The following ABHD6 variants were observed in gnomAD, a reference collection of about 807,000 sequenced individuals.
ABHD6 encodes the protein monoacylglycerol lipase ABHD6.
A neutral mutation model predicts 38.8 loss-of-function variants in ABHD6; 33 were observed. The observed-to-expected ratio is 0.85, with a 90% CI of 0.64 to 1.14. The LOEUF (loss-of-function observed/expected upper bound fraction) is 1.14, where lower values mean the gene tolerates loss of function less well. Ranked by LOEUF, ABHD6 falls within the 50% of genes most tolerant of loss-of-function variation. ABHD6 has a pLI of 0.00. For missense variants in ABHD6, 380 were observed against 422.6 expected (o/e 0.90, Z 0.88); for synonymous variants, 147 against 161.6 (o/e 0.91, Z 0.69).
intron 7 of ABHD6, among the ~76,000 whole-genome samples, chr3:58,278,530 G>A (rs148911584): frequency 0.026 from 4,012 of 152,094 alleles, 185 homozygotes; most frequent in African/African-American, 0.092. Flanking sequence ...TGTCAATTTT[G>A]TTGATCTTTT....
chr3:58,258,752 T>C (rs2097435040), intron 3 of ABHD6: 2 of 153,194 alleles, frequency 1.3e-5, no homozygotes, highest in Non-Finnish European at 2.9e-5. Flanking sequence ...TTCACTTGAG[T>C]GTGGAATTTT....
In ABHD6 at chr3:58,267,501, C is replaced by CA. The variant is rs1025795605; in HGVS notation, c.276+162dup. 1.3e-5 allele frequency among the ~76,000 whole-genome samples: 2 copies of CA among 151,944 alleles called. No individual in the cohort carries two copies. The highest frequency in any genetic ancestry group is 1.9e-4 in the East Asian group (1 of 5,160). On this transcript the variant is annotated intron_variant, in intron 4 of 9. Coordinates refer to ENST00000478253, the MANE Select transcript of ABHD6 (RefSeq NM_001320126.2). This position sits in a 1 kb window ranked among gnomAD's most constrained non-coding sequence, Gnocchi z 4.3. ...ACAACATAAAGAAACCCTGTCTCTA[C>CA]AAAAAATTAAAAAATTAGCCAGGTG...
At chr3:58,271,998 T>TAGG (rs2097445383) in intron 6 of ABHD6, among the ~76,000 whole-genome samples, 1 of 152,066 alleles carries the variant, frequency 6.6e-6, no homozygotes. Context: ...TCCTGTTGGC[T>TAGG]AGGATCCTGT....
chr3:58,259,247 C>G lies in ABHD6; in HGVS notation c.119+2542C>G, dbSNP rs754164046. Among the ~76,000 whole-genome samples, 1 of 152,082 alleles carries G rather than the reference C, an allele frequency of 6.6e-6. No individual in the cohort carries two copies. The highest frequency in any genetic ancestry group is 2.4e-5 in the African/African-American group (1 of 41,414). On this transcript the variant is annotated intron_variant, in intron 3 of 9. Coordinates refer to ENST00000478253, the MANE Select transcript of ABHD6 (RefSeq NM_001320126.2). The surrounding 1 kb of genome is among the most constrained non-coding windows in gnomAD (Gnocchi z 4.7). The stretch of plus-strand genomic sequence containing the variant: ...GTCCCCCAACAGTTCCCTGGGCTGT[C>G]GAGGAGAAGGCTTTCAGAGTAAGGG...
At chr3:58,274,986 G>A (rs913492302) in intron 7 of ABHD6, among the ~76,000 whole-genome samples, 171 bp downstream of exon 7, 4 of 152,220 alleles carry the variant, frequency 2.6e-5, no homozygotes, top group Non-Finnish European at 5.9e-5. Context: ...GCACTGTGCT[G>A]GTACAGTGAT....
intron 3 of ABHD6, among the ~76,000 whole-genome samples, chr3:58,264,196 C>T (rs2097439120): frequency 6.6e-6 from 1 of 152,072 alleles, no homozygotes; most frequent in African/African-American, 2.4e-5. Flanking sequence ...CTAATTTAAA[C>T]AACACATAAC....
At chr3:58,272,370 T>C (rs1167977205) in intron 6 of ABHD6, among the ~76,000 whole-genome samples, 1 of 152,200 alleles carries the variant, frequency 6.6e-6, no homozygotes, top group Non-Finnish European at 1.5e-5. Context: ...CTCCTTTTTA[T>C]GACTCATATC....
rs992182369 is a variant in ABHD6, at chr3:58,269,937, G to T, written c.390+503G>T. On this transcript the variant is annotated intron_variant, in intron 5 of 9. Transcript: ENST00000478253. The surrounding 1 kb of genome is among the most constrained non-coding windows in gnomAD (Gnocchi z 4.4). The stretch of plus-strand genomic sequence containing the variant: ...AGAATGGGGTAGCCTGTAAGTTTCA[G>T]GTTGACCTTAAATATTTTCCCCCAA... Among the ~76,000 whole-genome samples, 4 of 152,102 alleles carry T rather than the reference G, an allele frequency of 2.6e-5. No homozygotes were observed. The highest frequency in any genetic ancestry group is 9.7e-5 in the African/African-American group (4 of 41,352).
chr3:58,264,144 A>G (rs1380295581), intron 3 of ABHD6, among the ~76,000 whole-genome samples: 3 of 152,330 alleles, frequency 2.0e-5, no homozygotes, highest in African/African-American at 4.8e-5. Context: ...TTTATCTAAT[A>G]TATTTCCTAT....
Position 58,259,482 on chromosome 3 carries a change from C to G in ABHD6, c.119+2777C>G, listed in dbSNP as rs1258398385. On this transcript the variant is annotated intron_variant, in intron 3 of 9. Transcript: ENST00000478253. This position sits in a 1 kb window ranked among gnomAD's most constrained non-coding sequence, Gnocchi z 4.7. ...ATCACTTGAGGCCAGGAGTTCGAGA[C>G]CAGCCTGGCCAACATGGCGAAACCC... Among the ~76,000 whole-genome samples, 3 of 152,108 alleles carry G rather than the reference C, an allele frequency of 2.0e-5. No individual in the cohort carries two copies. The highest frequency in any genetic ancestry group is 1.3e-4 in the Admixed American group (2 of 15,264).
chr3:58,283,318 C>T (rs1332389978), intron 7 of ABHD6, among the ~76,000 whole-genome samples: 1 of 152,180 alleles, frequency 6.6e-6, no homozygotes, highest in Admixed American at 6.5e-5. Context: ...GATATGAAAA[C>T]ACCAAGAGAA....
rs144375441 is a variant in ABHD6 at position 58,244,280 on chromosome 3, A to G, written c.-90-5598A>G. 7.7e-4 allele frequency among the ~76,000 whole-genome samples: 118 copies of G among 152,352 alleles called. 2 individuals carry two copies. The highest frequency in any genetic ancestry group is 3.4e-3 in the Middle Eastern group (1 of 294). ...TGTGAGATCTGCCAACAATTGATAA[A>G]GAGAAGGGATGAACACTCCTTTAGG... On this transcript the variant is annotated intron_variant, in intron 1 of 9. Coordinates refer to ENST00000478253, the MANE Select transcript of ABHD6 (RefSeq NM_001320126.2).
intron 7 of ABHD6, among the ~76,000 whole-genome samples, chr3:58,283,307 G>A (rs1227525554): frequency 1.3e-5 from 2 of 152,142 alleles, no homozygotes; most frequent in Non-Finnish European, 2.9e-5. Context: ...GGGTTGTCAG[G>A]GATATGAAAA....
rs186631452 is a variant in ABHD6, at chr3:58,263,295, C to T, written c.120-3894C>T. On this transcript the variant is annotated intron_variant, in intron 3 of 9. Transcript: ENST00000478253. This position sits in a 1 kb window ranked among gnomAD's most constrained non-coding sequence, Gnocchi z 4.9. ...ATCCCAGCTACTCAGGAGGCTGAGG[C>T]GGGAGAATCACTTGAACCCGGGAGG... Among the ~76,000 whole-genome samples the T allele has an allele frequency of 3.7e-4, 56 of 150,648 alleles. No individual in the cohort carries two copies. Among genetic ancestry groups the T allele is most frequent in the African/African-American group, 1.2e-3 (51 of 40,892 alleles).
chr3:58,279,659 T>C (rs1028288391), intron 7 of ABHD6, among the ~76,000 whole-genome samples: 2 of 152,216 alleles, frequency 1.3e-5, no homozygotes, highest in Non-Finnish European at 2.9e-5. Context: ...ATTTTGCCCA[T>C]TATTGATGCA....
At chr3:58,264,078 T>C (rs965496394) in intron 3 of ABHD6, among the ~76,000 whole-genome samples, 20 of 152,306 alleles carry the variant, frequency 1.3e-4, no homozygotes, top group Admixed American at 9.2e-4. Flanking sequence ...TGAATATTCT[T>C]TGAAAACTCC....
rs2097446148 is a variant in ABHD6 at position 58,273,050 on chromosome 3, A to G, written c.524-1608A>G. On this transcript the variant is annotated intron_variant, in intron 6 of 9. Transcript: ENST00000478253. This position sits in a 1 kb window ranked among gnomAD's most constrained non-coding sequence, Gnocchi z 4.8. ...ACTCATGTCCTTTTTCTGTTCTGGG[A>G]TCCAGTCCAGGATGTACCACATGAC... Among the ~76,000 whole-genome samples the G allele has an allele frequency of 6.6e-6, 1 of 152,012 alleles. No homozygotes were observed. Among genetic ancestry groups the G allele is most frequent in the Admixed American group, 6.6e-5 (1 of 15,248 alleles).
intron 7 of ABHD6, among the ~76,000 whole-genome samples, chr3:58,281,203 G>C (rs1169382479): frequency 6.6e-6 from 1 of 152,248 alleles, no homozygotes; most frequent in African/African-American, 2.4e-5. Context: ...TGCCCACACA[G>C]GTGGAGTCTA....
rs1233651378 is a variant in ABHD6, at chr3:58,293,124, A to C, written c.838-465A>C. 6.6e-6 allele frequency among the ~76,000 whole-genome samples: 1 copy of C among 151,732 alleles called. No homozygotes were observed. The highest frequency in any genetic ancestry group is 1.5e-5 in the Non-Finnish European group (1 of 67,924). On this transcript the variant is annotated intron_variant, in intron 9 of 9. Coordinates refer to ENST00000478253, the MANE Select transcript of ABHD6 (RefSeq NM_001320126.2). The surrounding 1 kb of genome is among the most constrained non-coding windows in gnomAD (Gnocchi z 4.4). ...CCCCACCATGCCACCCCCACTGCCC[A>C]TGTGCTTGGTGTCTCAGCCGCCGTG...
Sources: gnomAD v4.1 joint callset for allele counts (sites outside exome capture counted in the v4.1 genomes callset) on GRCh38, gnomAD v4.1.1 for gene constraint, Gnocchi (gnomAD v3.1) non-coding constraint, MANE v1.5 for transcripts, NCBI Gene and HGNC (gene_info 2026-07-23, HGNC 2026-07-21) for gene names.